Variants in DOCK2 observed in about 807,000 individuals in gnomAD.
The protein encoded by DOCK2 is dedicator of cytokinesis protein 2.
In DOCK2, 87 loss-of-function variants were observed where a neutral mutation model predicts 248.9. The ratio of observed to expected loss-of-function variants is 0.35; its 90% CI spans 0.29 to 0.42. The LOEUF (loss-of-function observed/expected upper bound fraction) is 0.42. Among genes scored for constraint, DOCK2 ranks in the 10% least tolerant of loss-of-function variants. The pLI is 1.00. For synonymous variants in DOCK2, 805 were observed against 821.6 expected, an observed-to-expected ratio of 0.98 and a Z score of 0.35; for missense variants, 1,747 against 2,300.2, an observed-to-expected ratio of 0.76 and a Z score of 4.92.
chr5:169,765,454 G>A (rs778600981), intron 25 of DOCK2, among the ~76,000 whole-genome samples: 4 of 152,212 alleles, frequency 2.6e-5, no homozygotes, highest in Non-Finnish European at 5.9e-5. Flanking sequence ...TGGTGGTGAT[G>A]ACAGGAGAAA....
At position 169,655,221 on chromosome 5, in the gene DOCK2, C is replaced by T. The variant is rs373939373; in HGVS notation, c.127+735C>T. ...ACCTGCAGTCAGGCAGGCTCCCACC[C>T]CTCACTGGCCCAACTGGCCTACCAC... On this transcript the variant is annotated intron_variant, in intron 2 of 51. Transcript: ENST00000520908. 3.0e-4 allele frequency among the ~76,000 whole-genome samples: 45 copies of T among 152,332 alleles called. 1 individual carries two copies. The South Asian group carries it at 9.1e-3, about 31-fold the overall frequency.
intron 32 of DOCK2, among the ~76,000 whole-genome samples, chr5:170,015,121 A>C (rs1755469630): frequency 2.0e-5 from 3 of 152,200 alleles, no homozygotes; most frequent in Admixed American, 1.3e-4. Flanking sequence ...CATATTGCTT[A>C]ATCTAAAACT....
intron 27 of DOCK2, among the ~76,000 whole-genome samples, chr5:169,863,976 G>A (rs923259271): frequency 1.6e-4 from 25 of 152,188 alleles, no homozygotes; most frequent in African/African-American, 5.8e-4. Context: ...TTTGCTCGTG[G>A]TGGGAATCTG....
intron 6 of DOCK2, among the ~76,000 whole-genome samples, chr5:169,678,349 C>G (rs1288217247): frequency 6.6e-6 from 1 of 151,818 alleles, no homozygotes; most frequent in Non-Finnish European, 1.5e-5. Flanking sequence ...CTGCAACATC[C>G]GCCTCCCAGG....
At chr5:169,707,655 C>A (rs1310187803) in intron 14 of DOCK2, among the ~76,000 whole-genome samples, 1 of 152,152 alleles carries the variant, frequency 6.6e-6, no homozygotes, top group Non-Finnish European at 1.5e-5. Flanking sequence ...ACCCCCTCAC[C>A]CCAGACTTGT....
intron 27 of DOCK2, among the ~76,000 whole-genome samples, chr5:169,853,581 G>A (rs1247066168): frequency 6.6e-6 from 1 of 151,966 alleles, no homozygotes; most frequent in Non-Finnish European, 1.5e-5. Context: ...AAGCAGCAAC[G>A]ACAACAACAA....
intron 4 of DOCK2, 98 bp from the exon 5 acceptor site, chr5:169,670,980 C>A: frequency 7.5e-6 from 7 of 927,724 alleles, no homozygotes; most frequent in South Asian, 1.5e-5. Context: ...GTCAGGAAGG[C>A]CCCTCCGCAG....
intron 27 of DOCK2, among the ~76,000 whole-genome samples, chr5:169,860,148 C>T (rs535848639): frequency 1.6e-4 from 24 of 151,650 alleles, no homozygotes; most frequent in African/African-American, 4.1e-4. Flanking sequence ...AATTGTTTGA[C>T]GGGGTCTCAC....
At chr5:169,907,270 G>A (rs928392895) in intron 27 of DOCK2, among the ~76,000 whole-genome samples, 2 of 152,208 alleles carry the variant, frequency 1.3e-5, no homozygotes, top group African/African-American at 2.4e-5. Flanking sequence ...ACAGCGATGT[G>A]CCCAAGTCAG....
intron 6 of DOCK2, 136 bp from the exon 7 acceptor site, chr5:169,681,608 C>T: frequency 9.4e-7 from 1 of 1,065,058 alleles, no homozygotes; most frequent in Non-Finnish European, 1.4e-6. Flanking sequence ...AGCAGTGTCC[C>T]AGGCTATCAG....
chr5:169,692,138 G>A (rs1430885489), intron 9 of DOCK2, among the ~76,000 whole-genome samples: 1 of 152,154 alleles, frequency 6.6e-6, no homozygotes, highest in Non-Finnish European at 1.5e-5. Context: ...ACAGGCGTGA[G>A]CCACTGCTCC....
intron 27 of DOCK2, chr5:169,882,943 T>C (rs1772746984): frequency 6.4e-7 from 1 of 1,551,828 alleles, no homozygotes; most frequent in Admixed American, 2.0e-5. Context: ...GTGGGCTGGC[T>C]GGCTGTGGGA....
At chr5:169,990,660 G>A (rs562742733) in intron 29 of DOCK2, among the ~76,000 whole-genome samples, 7 of 152,320 alleles carry the variant, frequency 4.6e-5, no homozygotes, top group South Asian at 4.1e-4. Context: ...GTATCCCAGC[G>A]GCTCAAGAGG....
chr5:170,069,054 T>G (rs1561907335), intron 45 of DOCK2, 83 bp from the exon 46 acceptor site: 4 of 1,280,400 alleles, frequency 3.1e-6, no homozygotes, highest in Non-Finnish European at 4.4e-6. Context: ...CCTTTCAAAT[T>G]GAATCTTCTC....
chr5:170,081,754 TCCCCCA>T, intron 50 of DOCK2, 82 bp from the exon 51 acceptor site: 3 of 1,298,738 alleles, frequency 2.3e-6, no homozygotes, highest in Non-Finnish European at 3.1e-6. Flanking sequence ...GCTGGCTCTG[TCCCCCA>T]GCCCTCCCCC....
intron 46 of DOCK2, among the ~76,000 whole-genome samples, chr5:170,072,500 G>A (rs1224619026): frequency 6.6e-6 from 1 of 152,216 alleles, no homozygotes; most frequent in African/African-American, 2.4e-5. Flanking sequence ...GAACATTCGT[G>A]TTTGTGCCTT....
intron 10 of DOCK2, 37 bp from the exon 11 acceptor site, chr5:169,698,337 G>A: frequency 6.2e-7 from 1 of 1,604,406 alleles, no homozygotes; most frequent in Non-Finnish European, 8.5e-7. Context: ...GGAACAGGAA[G>A]AAGTTAAACC....
At chr5:169,659,048 C>T (rs1758298818) in intron 2 of DOCK2, among the ~76,000 whole-genome samples, 1 of 147,416 alleles carries the variant, frequency 6.8e-6, no homozygotes, top group East Asian at 2.0e-4. Flanking sequence ...ATGGGGGTTT[C>T]TCTTTGTTGC....
chr5:169,680,773 C>T (rs1294592055), intron 6 of DOCK2, among the ~76,000 whole-genome samples: 1 of 152,114 alleles, frequency 6.6e-6, no homozygotes, highest in Non-Finnish European at 1.5e-5. Flanking sequence ...CCTTTGACCC[C>T]TTTACTCCTC....
Sources: allele counts gnomAD v4.1 joint callset (sites outside exome capture counted in the v4.1 genomes callset), GRCh38; gene constraint gnomAD v4.1.1; transcripts MANE v1.5; gene names NCBI Gene and HGNC (gene_info 2026-07-23, HGNC 2026-07-21).